The following NECTIN1 variants were observed in gnomAD, a reference collection of about 807,000 sequenced individuals.
NECTIN1 encodes nectin-1.
A neutral mutation model predicts 48.0 loss-of-function variants in NECTIN1; 23 were observed. The ratio of observed to expected loss-of-function variants is 0.48; its 90% CI spans 0.34 to 0.68. The LOEUF is 0.68. Ranked by LOEUF, NECTIN1 falls within the 30% of genes least tolerant of loss-of-function variation. The pLI is 0.01. For missense variants in NECTIN1, 591 were observed against 709.9 expected (o/e 0.83, Z 1.90); for synonymous variants, 270 against 288.9 (o/e 0.93, Z 0.66).
intron 4 of NECTIN1, 192 bp from the exon 5 acceptor site, chr11:119,675,502 A>G (rs931775969): frequency 1.1e-5 from 7 of 619,150 alleles, no homozygotes; most frequent in Non-Finnish European, 8.3e-6. Context: ...AGCTTTTCAT[A>G]TTTGATCATA....
chr11:119,665,327 G>C lies in NECTIN1; in HGVS notation c.1004-30C>G. ...GTGAGGAAAAGAGATGGAGGGGACA[G>C]CATCAGCGTGTGCTCCTGGGGTGTA... On this transcript the variant is annotated intron_variant, in intron 5 of 5. Coordinates refer to ENST00000264025, the MANE Select transcript of NECTIN1 (RefSeq NM_002855.5). The surrounding 1 kb of genome is among the most constrained non-coding windows in gnomAD (Gnocchi z 5.1). 2.6e-6 allele frequency: 4 copies of C among 1,550,384 alleles called. No individual in the cohort carries two copies. The highest frequency in any genetic ancestry group is 3.5e-6 in the Non-Finnish European group (4 of 1,152,662).
Position 119,727,180 on chromosome 11 carries a change from G to A in NECTIN1, c.79+1295C>T, listed in dbSNP as rs1006754886. ...AGAGGCATAGAAGGGAATGAGGCCA[G>A]GCTTCTGCCTTCCAGGAGTGCACCC... On this transcript the variant is annotated intron_variant, in intron 1 of 5. Transcript: ENST00000264025. This position sits in a 1 kb window ranked among gnomAD's most constrained non-coding sequence, Gnocchi z 4.1. Among the ~76,000 whole-genome samples the A allele has an allele frequency of 6.6e-6, 1 of 152,222 alleles. No individual in the cohort carries two copies. Among genetic ancestry groups the A allele is most frequent in the African/African-American group, 2.4e-5 (1 of 41,448 alleles).
downstream of NECTIN1, among the ~76,000 whole-genome samples, chr11:119,658,655 C>T (rs1467050): frequency 0.059 from 8,980 of 152,246 alleles, 281 homozygotes; most frequent in African/African-American, 0.08. Flanking sequence ...AAGTCTTCCC[C>T]GATGAGCCCC....
intron 5 of NECTIN1, among the ~76,000 whole-genome samples, chr11:119,652,048 C>G (rs367922411): frequency 6.6e-6 from 1 of 152,174 alleles, no homozygotes; most frequent in African/African-American, 2.4e-5. Context: ...TTACCTCCCT[C>G]CCGCCGGCTG....
chr11:119,684,237 C>T lies in NECTIN1; in HGVS notation c.80-5472G>A, dbSNP rs200895902. 9.8e-5 allele frequency among the ~76,000 whole-genome samples: 15 copies of T among 152,344 alleles called. No individual in the cohort carries two copies. The East Asian group carries it at 2.9e-3, about 29-fold the overall frequency. On this transcript the variant is annotated intron_variant, in intron 1 of 5. Coordinates refer to ENST00000264025, the MANE Select transcript of NECTIN1 (RefSeq NM_002855.5). The surrounding 1 kb of genome is among the most constrained non-coding windows in gnomAD (Gnocchi z 5.2). The stretch of plus-strand genomic sequence containing the variant: ...TAGGTGAGGCGAGGGGGATTTGGGG[C>T]TTCCTGGCATAAACCACTTCTTTTG...
intron 1 of NECTIN1, among the ~76,000 whole-genome samples, chr11:119,705,647 G>A (rs112791662): frequency 0.024 from 3,622 of 152,342 alleles, 69 homozygotes; most frequent in Middle Eastern, 0.065. Context: ...GCTGGACCAT[G>A]CTGTTGGAGG....
At chr11:119,716,950 A>G (rs986084606) in intron 1 of NECTIN1, among the ~76,000 whole-genome samples, 2 of 152,254 alleles carry the variant, frequency 1.3e-5, no homozygotes, top group African/African-American at 4.8e-5. Flanking sequence ...ACATAAAAAC[A>G]CTTGTAAAGA....
At position 119,661,550 on chromosome 11, in the gene NECTIN1, G is replaced by T. The variant is rs1342499650; in HGVS notation, c.*3197C>A. 3.0e-6 allele frequency: 3 copies of T among 985,792 alleles called. No individual in the cohort carries two copies. The highest frequency in any genetic ancestry group is 6.1e-5 in the Admixed American group (1 of 16,262). The allele number at this position is 985,792 out of a possible 1,614,324, so 61.1% of individuals were successfully genotyped here. ...TGGGAGCACTACCCTCCTCCCAGAAGAGGGGACATCCGTGTCTGCTTGGCT... is the reference window on the plus strand; with the variant it reads ...TGGGAGCACTACCCTCCTCCCAGAATAGGGGACATCCGTGTCTGCTTGGCT... On this transcript the variant is annotated 3_prime_UTR_variant, in exon 6 of 6. Coordinates refer to ENST00000264025, the MANE Select transcript of NECTIN1 (RefSeq NM_002855.5).
chr11:119,692,495 T>G (rs940510276), intron 1 of NECTIN1, among the ~76,000 whole-genome samples: 6 of 152,174 alleles, frequency 3.9e-5, no homozygotes, highest in Non-Finnish European at 7.4e-5. Context: ...ACCCCAAGGT[T>G]GGGCCCATGC....
chr11:119,657,613 T>TAAAAAA (rs1565379944), downstream of NECTIN1, among the ~76,000 whole-genome samples: 1 of 37,248 alleles, frequency 2.7e-5, no homozygotes, highest in African/African-American at 6.7e-5. Context: ...GACTTTGTCT[T>TAAAAAA]TAAAAAAAAA....
intron 6 of NECTIN1, among the ~76,000 whole-genome samples, chr11:119,639,302 G>C (rs926730840): frequency 3.9e-5 from 6 of 152,154 alleles, no homozygotes; most frequent in African/African-American, 1.4e-4. Context: ...GGTGTGCTGG[G>C]TGTCTGATGC....
chr11:119,690,406 T>TG (rs200958117), intron 1 of NECTIN1, among the ~76,000 whole-genome samples: 285 of 152,180 alleles, frequency 1.9e-3, no homozygotes, highest in South Asian at 8.7e-3. Flanking sequence ...ACCTCCGAGC[T>TG]GGGGGGTGGC....
intron 1 of NECTIN1, among the ~76,000 whole-genome samples, chr11:119,691,604 T>C (rs149093399): frequency 3.4e-3 from 515 of 152,314 alleles, no homozygotes; most frequent in African/African-American, 0.012. Flanking sequence ...CCCAGAAGGC[T>C]GAAAGGGGCG....
intron 1 of NECTIN1, among the ~76,000 whole-genome samples, chr11:119,694,667 A>T (rs1396746079): frequency 6.6e-6 from 1 of 152,206 alleles, no homozygotes; most frequent in Non-Finnish European, 1.5e-5. Context: ...TGATGGTGAC[A>T]CACCAGTTTT....
At position 119,684,894 on chromosome 11, in the gene NECTIN1, C is replaced by T. The variant is rs1024312021; in HGVS notation, c.80-6129G>A. 1.3e-5 allele frequency among the ~76,000 whole-genome samples: 2 copies of T among 152,224 alleles called. No individual in the cohort carries two copies. The highest frequency in any genetic ancestry group is 4.8e-5 in the African/African-American group (2 of 41,462). The stretch of plus-strand genomic sequence containing the variant: ...AGGGCTCTCACTGAGCTTGTCCTGT[C>T]TCATTTCCCCATTAGTCCAGGAGAT... On this transcript the variant is annotated intron_variant, in intron 1 of 5. Coordinates refer to ENST00000264025, the MANE Select transcript of NECTIN1 (RefSeq NM_002855.5). This position sits in a 1 kb window ranked among gnomAD's most constrained non-coding sequence, Gnocchi z 5.2.
intron 5 of NECTIN1, among the ~76,000 whole-genome samples, chr11:119,649,738 A>C (rs536585256): frequency 6.6e-6 from 1 of 152,200 alleles, no homozygotes. Context: ...CAGGAAATAT[A>C]AAAACACGGG....
downstream of NECTIN1, among the ~76,000 whole-genome samples, chr11:119,658,374 G>A (rs191673783): frequency 3.9e-5 from 6 of 152,248 alleles, no homozygotes; most frequent in South Asian, 2.1e-4. Context: ...CCATCAAGCC[G>A]GTAAACCCGG....
chr11:119,663,337 T>C lies in NECTIN1; in HGVS notation c.*1410A>G, dbSNP rs1256538876. 2.0e-6 allele frequency: 2 copies of C among 985,268 alleles called. No individual in the cohort carries two copies. The highest frequency in any genetic ancestry group is 3.5e-5 in the African/African-American group (2 of 57,224). The allele number at this position is 985,268 out of a possible 1,614,324, so 61.0% of individuals were successfully genotyped here. ...GAGGGGTCTTCCTCCATTATATACA[T>C]GGGAAGACCCAGTCTGGGGTGGCTG... On this transcript the variant is annotated 3_prime_UTR_variant, in exon 6 of 6. Coordinates refer to ENST00000264025, the MANE Select transcript of NECTIN1 (RefSeq NM_002855.5).
chr11:119,725,903 A>G (rs1865900760), intron 1 of NECTIN1, among the ~76,000 whole-genome samples: 1 of 152,102 alleles, frequency 6.6e-6, no homozygotes, highest in Non-Finnish European at 1.5e-5. Context: ...GGCTCCCCCT[A>G]TCTCTTTTTG....
Sources: allele counts gnomAD v4.1 joint callset (sites outside exome capture counted in the v4.1 genomes callset), GRCh38; gene constraint gnomAD v4.1.1; non-coding constraint Gnocchi (gnomAD v3.1); transcripts MANE v1.5; gene names NCBI Gene and HGNC (gene_info 2026-07-23, HGNC 2026-07-21).